The following CBLN2 variants were observed in gnomAD, a reference collection of about 807,000 sequenced individuals.
The protein encoded by CBLN2 is cerebellin-2.
Under a neutral mutation model 15.0 loss-of-function variants are expected in CBLN2, and 7 were observed. The observed-to-expected ratio is 0.47, with a 90% CI of 0.27 to 0.88. The LOEUF is 0.88. Among genes scored for constraint, CBLN2 ranks in the 40% least tolerant of loss-of-function variants. The pLI is 0.14. For missense variants in CBLN2, 242 were observed against 304.5 expected, an observed-to-expected ratio of 0.79 and a Z score of 1.53; for synonymous variants, 149 against 135.2, an observed-to-expected ratio of 1.10 and a Z score of -0.71.
At chr18:72,578,179 G>A (rs1191141856) in intron 1 of CBLN2, among the ~76,000 whole-genome samples, 2 of 152,088 alleles carry the variant, frequency 1.3e-5, no homozygotes, top group African/African-American at 4.8e-5. Context: ...ATAAATGGTA[G>A]GTGTAATCTT....
At chr18:72,637,524 A>T (rs1044411862) in intron 1 of CBLN2, among the ~76,000 whole-genome samples, 3 of 152,208 alleles carry the variant, frequency 2.0e-5, no homozygotes, top group African/African-American at 7.2e-5. Context: ...AGCGTGCTCC[A>T]TGTCACATGT....
chr18:72,538,500 A>T, intron 4 of CBLN2, 127 bp from the exon 5 acceptor site: 1 of 1,409,574 alleles, frequency 7.1e-7, no homozygotes. Context: ...GGGGAGCCTG[A>T]CAGTGAGCAC....
chr18:72,544,688 C>T (rs927735453), upstream of CBLN2: 5 of 152,232 alleles, frequency 3.3e-5, no homozygotes, highest in Admixed American at 6.5e-5. Flanking sequence ...TCCCGGTATC[C>T]TTCAGTACTT....
chr18:72,574,134 T>G (rs1415557259), intron 1 of CBLN2, among the ~76,000 whole-genome samples: 1 of 152,226 alleles, frequency 6.6e-6, no homozygotes, highest in Non-Finnish European at 1.5e-5. Context: ...CTTGAGTTGT[T>G]CATTTTGTTT....
intron 1 of CBLN2, among the ~76,000 whole-genome samples, chr18:72,581,642 G>C (rs1318852578): frequency 6.6e-6 from 1 of 152,084 alleles, no homozygotes; most frequent in African/African-American, 2.4e-5. Flanking sequence ...CTCAAAATAA[G>C]TCTTTGTGAT....
At position 72,544,154 on chromosome 18, in the gene CBLN2, T is replaced by TA. The variant is rs34326318; in HGVS notation, c.-390dup. The TA allele has an allele frequency of 0.037, 4,867 of 130,776 alleles. 210 individuals are homozygous for TA. The highest frequency in any genetic ancestry group is 0.11 in the African/African-American group (4,080 of 36,458). The allele number at this position is 130,776 out of a possible 1,614,324, so 8.1% of individuals were successfully genotyped here. A position where few individuals can be genotyped will look rare whatever the true frequency, so the allele number is the denominator to read the frequency against. On this transcript the variant is annotated 5_prime_UTR_variant, in exon 1 of 5. Coordinates refer to ENST00000269503, the MANE Select transcript of CBLN2 (RefSeq NM_182511.4). ...GACAGGAGCGAAAAAAACAATAAGTTAAAAAAAAAAAAAAGAAGAAGAAGA... is the reference window on the plus strand; with the variant it reads ...GACAGGAGCGAAAAAAACAATAAGTTAAAAAAAAAAAAAAAGAAGAAGAAGA...
intron 1 of CBLN2, among the ~76,000 whole-genome samples, chr18:72,598,523 G>A (rs2069527303): frequency 6.6e-6 from 1 of 152,200 alleles, no homozygotes; most frequent in Admixed American, 6.5e-5. Flanking sequence ...TGGGGCAGGG[G>A]TTATGCAAGC....
At chr18:72,624,039 T>C (rs747481505) in intron 1 of CBLN2, among the ~76,000 whole-genome samples, 51 of 152,162 alleles carry the variant, frequency 3.4e-4, no homozygotes, top group Non-Finnish European at 6.6e-4. Flanking sequence ...CAAGAGCCTT[T>C]CAGTGATTAT....
chr18:72,636,709 C>T (rs1184905081), intron 1 of CBLN2, among the ~76,000 whole-genome samples: 1 of 152,120 alleles, frequency 6.6e-6, no homozygotes, highest in Admixed American at 6.6e-5. Flanking sequence ...TACAATAAAA[C>T]ATTTAGAAGA....
chr18:72,618,994 C>A, intron 1 of CBLN2: 1 of 767,176 alleles, frequency 1.3e-6, no homozygotes, highest in Non-Finnish European at 2.3e-6. Flanking sequence ...CGGGGATGGT[C>A]ATCATGGATT....
intron 1 of CBLN2, among the ~76,000 whole-genome samples, chr18:72,633,564 T>G (rs929656050): frequency 6.6e-6 from 1 of 152,144 alleles, no homozygotes; most frequent in African/African-American, 2.4e-5. Flanking sequence ...GGTAGAAAGG[T>G]ATTCTCCTGA....
chr18:72,546,929 G>C (rs747210383), upstream of CBLN2, among the ~76,000 whole-genome samples: 10 of 152,156 alleles, frequency 6.6e-5, no homozygotes, highest in South Asian at 2.1e-3. Flanking sequence ...CATCTTCAGC[G>C]TGCATTATAG....
intron 3 of CBLN2, 140 bp from the exon 4 acceptor site, chr18:72,538,912 TC>T: frequency 9.1e-7 from 1 of 1,094,612 alleles, no homozygotes. Flanking sequence ...CATTCTGGCT[TC>T]CCCAGGAAGG....
intron 1 of CBLN2, among the ~76,000 whole-genome samples, chr18:72,584,793 T>C (rs937026495): frequency 6.6e-6 from 1 of 152,186 alleles, no homozygotes; most frequent in African/African-American, 2.4e-5. Context: ...CCTTGGGGTG[T>C]CACTTCACCA....
At chr18:72,575,086 C>A (rs1015294016) in intron 1 of CBLN2, among the ~76,000 whole-genome samples, 2 of 152,070 alleles carry the variant, frequency 1.3e-5, no homozygotes, top group Non-Finnish European at 2.9e-5. Flanking sequence ...GATGTAGAAC[C>A]AACAGATTAG....
chr18:72,619,155 C>G, intron 1 of CBLN2: 2 of 756,058 alleles, frequency 2.6e-6, no homozygotes, highest in Non-Finnish European at 4.7e-6. Flanking sequence ...CTTTGCCAAA[C>G]CACAAAACCA....
chr18:72,636,084 C>A (rs2069810549), intron 1 of CBLN2, among the ~76,000 whole-genome samples: 1 of 152,022 alleles, frequency 6.6e-6, no homozygotes. Context: ...AATAAATGAT[C>A]TATGTCAAAA....
In CBLN2 at chr18:72,590,015, C is replaced by T. The variant is rs181468495; in HGVS notation, c.15+48310G>A. Among the ~76,000 whole-genome samples the T allele has an allele frequency of 6.2e-3, 942 of 152,272 alleles. 11 individuals are homozygous for T. Among genetic ancestry groups the T allele is most frequent in the African/African-American group, 0.021 (893 of 41,562 alleles). ...AGGCACGGTGGCTCTCGCCTGTAAT[C>T]CCAGCACTTTGGGAGGCCGAGGCGG... On this transcript the variant is annotated intron_variant, in intron 1 of 2. Coordinates refer to the CBLN2 transcript ENST00000581073.
At position 72,542,269 on chromosome 18, in the gene CBLN2, G is replaced by C. The variant is rs2069121554; in HGVS notation, c.-109C>G. 1 of 650,454 alleles carries C rather than the reference G, an allele frequency of 1.5e-6. No homozygotes were observed. The highest frequency in any genetic ancestry group is 5.9e-5 in the East Asian group (1 of 16,882). 40.3% of individuals were successfully genotyped at this position (650,454 alleles called of 1,614,324 possible). A position where few individuals can be genotyped will look rare whatever the true frequency, so the allele number is the denominator to read the frequency against. ...CTCGCAGCAGCCTCCGGGGGCCTTC[G>C]TCCCCGGCTCTGACGTTCAAGGCCA... On this transcript the variant is annotated 5_prime_UTR_variant, in exon 3 of 5. Coordinates refer to ENST00000269503, the MANE Select transcript of CBLN2 (RefSeq NM_182511.4).
Sources: gnomAD v4.1 joint callset for allele counts (sites outside exome capture counted in the v4.1 genomes callset) on GRCh38, gnomAD v4.1.1 for gene constraint, MANE v1.5 for transcripts, NCBI Gene and HGNC (gene_info 2026-07-23, HGNC 2026-07-21) for gene names.